ROBO2: variants seen among roughly 807,000 people sequenced by gnomAD.
ROBO2 encodes the protein roundabout homolog 2.
A neutral mutation model predicts 160.8 loss-of-function variants in ROBO2; 53 were observed. The observed-to-expected ratio is 0.33, with a 90% CI of 0.26 to 0.41. ROBO2 has a LOEUF of 0.41. Ranked by LOEUF, ROBO2 falls within the 10% of genes least tolerant of loss-of-function variation. The pLI, the probability that ROBO2 is intolerant of heterozygous loss-of-function variation, is 1.00. For synonymous variants in ROBO2, 664 were observed against 611.7 expected (o/e 1.09, Z -1.26); for missense variants, 1,577 against 1,722.4 (o/e 0.92, Z 1.49).
intron 2 of ROBO2, among the ~76,000 whole-genome samples, chr3:77,253,527 A>T (rs1029817215): frequency 6.6e-6 from 1 of 152,218 alleles, no homozygotes; most frequent in African/African-American, 2.4e-5. Flanking sequence ...ATCTATTATG[A>T]GGTGTCTGTC....
chr3:77,371,543 A>T (rs1269876444), intron 2 of ROBO2, among the ~76,000 whole-genome samples: 1 of 152,172 alleles, frequency 6.6e-6, no homozygotes, highest in African/African-American at 2.4e-5. Flanking sequence ...AAATAAGAGG[A>T]TCTGTAGTAC....
chr3:77,512,822 G>A (rs888091805), intron 5 of ROBO2, among the ~76,000 whole-genome samples: 6 of 152,016 alleles, frequency 3.9e-5, no homozygotes, highest in South Asian at 2.1e-4. Flanking sequence ...TCTCCTTAAA[G>A]GGAAAGAAAC....
intron 2 of ROBO2, among the ~76,000 whole-genome samples, chr3:76,894,720 A>T (rs553437973): frequency 6.6e-6 from 1 of 152,286 alleles, no homozygotes; most frequent in East Asian, 1.9e-4. Flanking sequence ...AATCTTGCTC[A>T]GAAACATGAA....
At chr3:77,069,609 TC>T (rs2067200850) in intron 1 of ROBO2, among the ~76,000 whole-genome samples, 1 of 152,218 alleles carries the variant, frequency 6.6e-6, no homozygotes, top group Non-Finnish European at 1.5e-5. Flanking sequence ...TGTTGACACA[TC>T]TGGTGGTGGT....
At chr3:77,612,505 T>C (rs2094668084) in intron 21 of ROBO2, among the ~76,000 whole-genome samples, 1 of 152,176 alleles carries the variant, frequency 6.6e-6, no homozygotes, top group South Asian at 2.1e-4. Flanking sequence ...TTTTCTTTTA[T>C]CTCATTTTCC....
intron 2 of ROBO2, among the ~76,000 whole-genome samples, chr3:77,158,556 G>A (rs1359196813): frequency 6.6e-6 from 1 of 151,852 alleles, no homozygotes; most frequent in Non-Finnish European, 1.5e-5. Context: ...TAAAGAATAG[G>A]GCCAGGGGAT....
intron 5 of ROBO2, 77 bp from the exon 6 acceptor site, chr3:77,522,698 A>G: frequency 6.8e-7 from 1 of 1,475,484 alleles, no homozygotes; most frequent in Non-Finnish European, 9.3e-7. Context: ...TATAAAAAGA[A>G]AAATGAAGAT....
chr3:77,512,711 A>G (rs1254439984), intron 5 of ROBO2, among the ~76,000 whole-genome samples: 3 of 151,968 alleles, frequency 2.0e-5, no homozygotes, highest in African/African-American at 7.2e-5. Context: ...GCCTATAATT[A>G]TAGACCTTTA....
intron 2 of ROBO2, among the ~76,000 whole-genome samples, chr3:76,795,219 AG>A (rs919462451): frequency 6.6e-6 from 1 of 152,114 alleles, no homozygotes; most frequent in African/African-American, 2.4e-5. Context: ...TGCTGGCATC[AG>A]GGTGGTGGTT....
intron 2 of ROBO2, among the ~76,000 whole-genome samples, chr3:77,013,031 GTGTTTCTAAGTA>G: frequency 1.3e-5 from 2 of 152,262 alleles, no homozygotes; most frequent in South Asian, 4.1e-4. Context: ...GGGGGAGGAA[GTGTTTCTAAGTA>G]TGAATTAGAA....
Position 76,258,879 on chromosome 3 carries a change from A to G in ROBO2, c.109+321277A>G, listed in dbSNP as rs145981398. On this transcript the variant is annotated intron_variant, in intron 2 of 26. Coordinates refer to the ROBO2 transcript ENST00000487694. The stretch of plus-strand genomic sequence containing the variant: ...GTTTGACTGTAATTGAGTGTAAGCT[A>G]TAATGTAGGCTTGGAATTTTTCAGC... 1.3e-3 allele frequency among the ~76,000 whole-genome samples: 193 copies of G among 152,176 alleles called. 1 individual carries two copies. Among genetic ancestry groups the G allele is most frequent in the African/African-American group, 4.4e-3 (183 of 41,572 alleles).
intron 2 of ROBO2, among the ~76,000 whole-genome samples, chr3:76,654,109 G>C (rs1451812507): frequency 6.6e-6 from 1 of 152,082 alleles, no homozygotes; most frequent in East Asian, 1.9e-4. Context: ...TGTCATGCAG[G>C]CTTCGAAGTG....
chr3:77,290,045 T>A (rs575943426), intron 2 of ROBO2, among the ~76,000 whole-genome samples: 1 of 149,536 alleles, frequency 6.7e-6, no homozygotes, highest in South Asian at 2.2e-4. Flanking sequence ...ATTAAATGGG[T>A]AAGCTGAGGC....
At chr3:77,204,970 G>A (rs969606789) in intron 2 of ROBO2, among the ~76,000 whole-genome samples, 10 of 152,222 alleles carry the variant, frequency 6.6e-5, no homozygotes, top group African/African-American at 1.7e-4. Flanking sequence ...GACCCCTGAC[G>A]GGAGGGGAGC....
intron 2 of ROBO2, among the ~76,000 whole-genome samples, chr3:76,520,069 TG>T (rs1328434283): frequency 2.8e-4 from 43 of 152,166 alleles, no homozygotes; most frequent in Admixed American, 2.0e-4. Flanking sequence ...CCACCGAACC[TG>T]GGAGTGGCTG....
At chr3:75,955,287 T>G (rs1454817738) in intron 2 of ROBO2, among the ~76,000 whole-genome samples, 1 of 151,884 alleles carries the variant, frequency 6.6e-6, no homozygotes, top group Non-Finnish European at 1.5e-5. Context: ...GTTTTCAAGA[T>G]GAGTGTTTAG....
intron 2 of ROBO2, among the ~76,000 whole-genome samples, chr3:76,869,511 C>T (rs552726316): frequency 2.0e-5 from 3 of 151,770 alleles, no homozygotes; most frequent in Admixed American, 1.3e-4. Flanking sequence ...CACCACGCCT[C>T]GTATTTTTTT....
In ROBO2 at chr3:76,622,242, G is replaced by GAAAGAAAGAAAGAAAGAAAGAAGGAAAGA. The variant is rs2089207258; in HGVS notation, c.110-475750_110-475749insGGAAAGAAAAGAAAGAAAGAAAGAAAGAA. On this transcript the variant is annotated intron_variant, in intron 2 of 26. Coordinates refer to the ROBO2 transcript ENST00000487694. ...AGGAAGGAAGGAAGGAAGGAAGAAAGAAAGAAAGAAAGAAAGAAAGAAAGA... is the reference window on the plus strand; with the variant it reads ...AGGAAGGAAGGAAGGAAGGAAGAAAGAAAGAAAGAAAGAAAGAAAGAAGGAAAGAAAAGAAAGAAAGAAAGAAAGAAAGA... Among the ~76,000 whole-genome samples the GAAAGAAAGAAAGAAAGAAAGAAGGAAAGA allele has an allele frequency of 5.4e-5, 5 of 92,170 alleles. 1 individual carries two copies. The highest frequency in any genetic ancestry group is 2.3e-4 in the African/African-American group (5 of 21,650). 60.5% of individuals were successfully genotyped at this position (92,170 alleles called of 152,430 possible). A position where few individuals can be genotyped will look rare whatever the true frequency, so the allele number is the denominator to read the frequency against.
At chr3:76,680,516 CAGG>C (rs769807178) in intron 2 of ROBO2, among the ~76,000 whole-genome samples, 1 of 151,970 alleles carries the variant, frequency 6.6e-6, no homozygotes, top group Admixed American at 6.6e-5. Flanking sequence ...TAGACAAATG[CAGG>C]AGAAGGTAGG....
Sources: allele counts gnomAD v4.1 joint callset (sites outside exome capture counted in the v4.1 genomes callset), GRCh38; gene constraint gnomAD v4.1.1; transcripts MANE v1.5; gene names NCBI Gene and HGNC (gene_info 2026-07-23, HGNC 2026-07-21).